PALLD: variants seen among roughly 807,000 people sequenced by gnomAD.
PALLD encodes the protein palladin, cytoskeletal associated protein, also known as palladin.
In PALLD, 61 loss-of-function variants were observed where a neutral mutation model predicts 123.5. That is an observed-to-expected ratio of 0.49 (90% CI 0.40 to 0.61). PALLD has a LOEUF of 0.61. PALLD is among the 20% of genes least tolerant of loss of function. The pLI is 0.00. For synonymous variants in PALLD, 465 were observed against 496.4 expected, an observed-to-expected ratio of 0.94 and a Z score of 0.84; for missense variants, 1,273 against 1,377.0, an observed-to-expected ratio of 0.92 and a Z score of 1.20.
intron 10 of PALLD, among the ~76,000 whole-genome samples, chr4:168,767,627 A>G (rs527363960): frequency 7.3e-5 from 11 of 150,288 alleles, no homozygotes; most frequent in Non-Finnish European, 1.5e-4. Context: ...AGCTCACCAC[A>G]ACCTCCGCCT....
chr4:168,886,354 T>C (rs1412348529), intron 10 of PALLD, among the ~76,000 whole-genome samples: 2 of 152,208 alleles, frequency 1.3e-5, no homozygotes, highest in African/African-American at 4.8e-5. Flanking sequence ...TTTTAAAATA[T>C]CTTTTGGCTG....
chr4:168,813,650 G>T (rs6833245), intron 10 of PALLD, among the ~76,000 whole-genome samples: 11,610 of 152,086 alleles, frequency 0.076, 476 homozygotes, highest in South Asian at 0.17. Context: ...TTAGAGTTGG[G>T]GGTCTCACTG....
intron 2 of PALLD, among the ~76,000 whole-genome samples, chr4:168,516,765 C>T (rs766313426): frequency 4.6e-5 from 7 of 152,106 alleles, no homozygotes; most frequent in Admixed American, 6.5e-5. Flanking sequence ...AGTGGAATTG[C>T]CACCTTTAAA....
At chr4:168,877,906 C>G in intron 10 of PALLD, 1 of 1,479,572 alleles carries the variant, frequency 6.8e-7, no homozygotes, top group Non-Finnish European at 8.9e-7. Flanking sequence ...GCGCGCTGGC[C>G]TCCCGCTCCG....
At chr4:168,793,363 GTGC>G (rs145946046) in intron 10 of PALLD, among the ~76,000 whole-genome samples, 1 of 75,074 alleles carries the variant, frequency 1.3e-5, no homozygotes, top group Admixed American at 1.2e-4. Context: ...ACATATATGT[GTGC>G]ATATATATCA....
chr4:168,551,568 A>G (rs1012610041), intron 2 of PALLD, among the ~76,000 whole-genome samples: 1 of 152,232 alleles, frequency 6.6e-6, no homozygotes, highest in Non-Finnish European at 1.5e-5. Flanking sequence ...GGAGATATCA[A>G]TGTGGATAAA....
rs777057820 is a variant in PALLD, at chr4:168,921,700, G to A, written c.3017G>A (p.Arg1006Gln). ...AGIYTCIATNRAGQNSFSLEL... is the reference protein window; with the variant it reads ...AGIYTCIATNQAGQNSFSLEL... ...ATCTACACATGTATAGCTACCAACCGAGCAGGACAGAACTCATTCAGCCTG... is the reference window on the plus strand; with the variant it reads ...ATCTACACATGTATAGCTACCAACCAAGCAGGACAGAACTCATTCAGCCTG... The change falls in exon 18 of 22, where the codon CGA becomes CAA. Residue 1006 changes from arginine to glutamine, a missense_variant. Coordinates refer to ENST00000505667, the MANE Select transcript of PALLD (RefSeq NM_001166108.2). The A allele has an allele frequency of 5.0e-6, 8 of 1,611,406 alleles. No homozygotes were observed. Among genetic ancestry groups the A allele is most frequent in the Non-Finnish European group, 5.9e-6 (7 of 1,179,820 alleles).
intron 10 of PALLD, among the ~76,000 whole-genome samples, chr4:168,782,390 A>C (rs1167811066): frequency 1.3e-5 from 2 of 152,264 alleles, no homozygotes; most frequent in African/African-American, 4.8e-5. Flanking sequence ...AAGTAAGTTT[A>C]AGCTAAATAT....
At chr4:168,534,484 C>T (rs1023350234) in intron 2 of PALLD, among the ~76,000 whole-genome samples, 2 of 152,160 alleles carry the variant, frequency 1.3e-5, no homozygotes. Context: ...CATTTATATT[C>T]TCAAGATCTA....
At chr4:168,853,936 G>A (rs1748191493) in intron 10 of PALLD, among the ~76,000 whole-genome samples, 1 of 152,198 alleles carries the variant, frequency 6.6e-6, no homozygotes, top group Admixed American at 6.5e-5. Context: ...TCTGACTTGT[G>A]AAACAGGATC....
chr4:168,637,849 C>T (rs1433495678), intron 2 of PALLD, among the ~76,000 whole-genome samples: 1 of 142,480 alleles, frequency 7.0e-6, no homozygotes, highest in East Asian at 2.1e-4. Flanking sequence ...TTGGCTGAGA[C>T]AGGAGAATTG....
intron 12 of PALLD, 133 bp from the exon 13 acceptor site, chr4:168,896,416 G>T: frequency 1.5e-6 from 1 of 656,464 alleles, no homozygotes; most frequent in Non-Finnish European, 2.8e-6. Context: ...ATGGTTGTGT[G>T]AGTACTCACA....
chr4:168,531,031 C>T (rs1304217972), intron 2 of PALLD, among the ~76,000 whole-genome samples: 1 of 152,194 alleles, frequency 6.6e-6, no homozygotes, highest in Non-Finnish European at 1.5e-5. Context: ...AATTACAGAG[C>T]ATATTTTTAA....
chr4:168,608,335 C>A (rs1052604968), intron 2 of PALLD, among the ~76,000 whole-genome samples: 3 of 152,160 alleles, frequency 2.0e-5, no homozygotes, highest in Admixed American at 2.0e-4. Context: ...ATGAGCCCCC[C>A]ATTTGCATCT....
At chr4:168,814,765 CT>C (rs895370339) in intron 10 of PALLD, among the ~76,000 whole-genome samples, 1 of 152,030 alleles carries the variant, frequency 6.6e-6, no homozygotes, top group Non-Finnish European at 1.5e-5. Flanking sequence ...CTATTTTAAT[CT>C]TTTCTGTTTG....
At chr4:168,711,073 C>T (rs754822080) in intron 9 of PALLD, among the ~76,000 whole-genome samples, 1 of 152,150 alleles carries the variant, frequency 6.6e-6, no homozygotes, top group Non-Finnish European at 1.5e-5. Flanking sequence ...ATAGTTGGAG[C>T]AATCACCTAA....
intron 11 of PALLD, among the ~76,000 whole-genome samples, chr4:168,891,399 G>A (rs1008961243): frequency 1.7e-4 from 26 of 152,254 alleles, no homozygotes; most frequent in East Asian, 7.7e-4. Flanking sequence ...GAGCTCAGGC[G>A]ATCTGCCCGC....
chr4:168,667,418 T>G (rs1051139364), intron 2 of PALLD, among the ~76,000 whole-genome samples: 1 of 152,198 alleles, frequency 6.6e-6, no homozygotes, highest in Admixed American at 6.5e-5. Context: ...TGTTTTGTTT[T>G]GTTTGTATGT....
chr4:168,895,211 G>A (rs1240643722), intron 12 of PALLD, among the ~76,000 whole-genome samples: 2 of 152,006 alleles, frequency 1.3e-5, no homozygotes, highest in East Asian at 1.9e-4. Flanking sequence ...GTGAAACCCC[G>A]TCTCTACTAA....
Sources: allele counts gnomAD v4.1 joint callset (sites outside exome capture counted in the v4.1 genomes callset), GRCh38; gene constraint gnomAD v4.1.1; transcripts MANE v1.5; gene names NCBI Gene and HGNC (gene_info 2026-07-23, HGNC 2026-07-21).